Variants in MDGA2 observed in about 807,000 individuals in gnomAD.
MDGA2 encodes MAM domain containing glycosylphosphatidylinositol anchor 2.
A neutral mutation model predicts 117.8 loss-of-function variants in MDGA2; 40 were observed. The ratio of observed to expected loss-of-function variants is 0.34; its 90% confidence interval spans 0.26 to 0.44. The LOEUF is 0.44. MDGA2 is among the 20% of genes least tolerant of loss of function. The pLI is 1.00. For synonymous variants in MDGA2, 452 were observed against 439.0 expected (o/e 1.03, Z -0.37); for missense variants, 1,123 against 1,250.6 (o/e 0.90, Z 1.54).
intron 1 of MDGA2, chr14:47,306,005 G>A (rs1018154621): frequency 2.6e-5 from 4 of 152,124 alleles, no homozygotes; most frequent in African/African-American, 7.2e-5. Context: ...TTTGTAATAT[G>A]CCAGTGTCTA....
chr14:47,155,788 T>C (rs1339771848), intron 3 of MDGA2, among the ~76,000 whole-genome samples: 2 of 151,620 alleles, frequency 1.3e-5, no homozygotes, highest in African/African-American at 4.8e-5. Context: ...AAGGTGCCAC[T>C]GGCCACAGAG....
chr14:47,380,799 C>T (rs543623068), intron 1 of MDGA2, among the ~76,000 whole-genome samples: 4 of 152,072 alleles, frequency 2.6e-5, no homozygotes, highest in African/African-American at 9.6e-5. Flanking sequence ...GGAGCTGGCA[C>T]CATTCCTTCT....
At chr14:47,208,910 G>A (rs918998290) in intron 3 of MDGA2, among the ~76,000 whole-genome samples, 4 of 151,062 alleles carry the variant, frequency 2.6e-5, no homozygotes, top group African/African-American at 9.7e-5. Flanking sequence ...GCACACATTC[G>A]AATAGCCTTC....
intron 9 of MDGA2, among the ~76,000 whole-genome samples, chr14:46,948,597 A>T (rs1885257887): frequency 6.6e-6 from 1 of 152,036 alleles, no homozygotes. Flanking sequence ...GAGGAAGAAC[A>T]GTAGAAACTC....
rs914227650 is a variant in MDGA2 at position 46,895,851 on chromosome 14, G to T, written c.2239-13630C>A. On this transcript the variant is annotated intron_variant, in intron 10 of 16. Transcript: ENST00000399232. ...CTTAATATTTTGATTCTGCAATGCC[G>T]CCTGTCCCTTCCATGTGTCATTGAT... Among the ~76,000 whole-genome samples the T allele has an allele frequency of 2.0e-5, 3 of 151,940 alleles. No individual in the cohort carries two copies. The East Asian group carries it at 5.8e-4, about 29-fold the overall frequency.
chr14:47,550,543 C>T (rs143686948), intron 1 of MDGA2, among the ~76,000 whole-genome samples: 80 of 152,058 alleles, frequency 5.3e-4, no homozygotes, highest in Non-Finnish European at 9.3e-4. Flanking sequence ...TACTGTTGAA[C>T]AACCTATCAG....
chr14:47,365,087 T>C (rs1011162393), intron 1 of MDGA2, among the ~76,000 whole-genome samples: 2 of 152,234 alleles, frequency 1.3e-5, no homozygotes, highest in African/African-American at 4.8e-5. Flanking sequence ...TTCTACACCC[T>C]TCAATGGGAT....
chr14:47,132,335 A>G (rs944176998), intron 4 of MDGA2, among the ~76,000 whole-genome samples: 4 of 151,994 alleles, frequency 2.6e-5, no homozygotes, highest in Non-Finnish European at 5.9e-5. Flanking sequence ...ATCTAATGAT[A>G]GATAATTACA....
At chr14:47,153,326 G>A (rs1482524552) in intron 3 of MDGA2, among the ~76,000 whole-genome samples, 1 of 152,142 alleles carries the variant, frequency 6.6e-6, no homozygotes, top group Non-Finnish European at 1.5e-5. Context: ...ACTGAACTAG[G>A]TGAGTGATTA....
At chr14:47,128,685 A>G (rs976603291) in intron 5 of MDGA2, among the ~76,000 whole-genome samples, 1 of 150,392 alleles carries the variant, frequency 6.6e-6, no homozygotes, top group Non-Finnish European at 1.5e-5. Flanking sequence ...TTTCTGCAAC[A>G]TAATTTCCAT....
At chr14:47,519,464 C>T (rs368746025) in intron 1 of MDGA2, among the ~76,000 whole-genome samples, 79 of 152,212 alleles carry the variant, frequency 5.2e-4, no homozygotes, top group African/African-American at 1.8e-3. Flanking sequence ...AAATACAACT[C>T]ATGTGGTCAA....
intron 1 of MDGA2, among the ~76,000 whole-genome samples, chr14:47,556,856 G>C (rs565522100): frequency 6.6e-6 from 1 of 152,230 alleles, no homozygotes; most frequent in East Asian, 1.9e-4. Context: ...TCTTTATGTG[G>C]TGTTTGATTA....
At chr14:47,049,679 T>C (rs1338946173) in intron 7 of MDGA2, among the ~76,000 whole-genome samples, 1 of 152,036 alleles carries the variant, frequency 6.6e-6, no homozygotes, top group Non-Finnish European at 1.5e-5. Context: ...ATTGAATTCA[T>C]GGATGTAGAA....
chr14:47,329,157 C>A (rs1039673661), intron 1 of MDGA2, among the ~76,000 whole-genome samples: 10 of 151,900 alleles, frequency 6.6e-5, no homozygotes, highest in African/African-American at 2.4e-4. Context: ...GTCTTGAAAT[C>A]CTGGACTCAA....
intron 1 of MDGA2, among the ~76,000 whole-genome samples, chr14:47,592,767 G>A (rs948583359): frequency 2.0e-5 from 3 of 151,874 alleles, no homozygotes; most frequent in Admixed American, 6.6e-5. Context: ...ATGTAAAACC[G>A]AAAGCTATAA....
intron 8 of MDGA2, among the ~76,000 whole-genome samples, chr14:47,020,171 G>A (rs1471647713): frequency 1.3e-5 from 2 of 152,002 alleles, no homozygotes; most frequent in African/African-American, 2.4e-5. Context: ...TATGGGAACC[G>A]CTTTATCTAA....
At chr14:46,936,993 G>C (rs1350255135) in intron 9 of MDGA2, among the ~76,000 whole-genome samples, 2 of 151,922 alleles carry the variant, frequency 1.3e-5, no homozygotes, top group Admixed American at 1.3e-4. Flanking sequence ...TGGAAAAGAG[G>C]TCAAATTGTC....
At chr14:47,019,024 C>T (rs960318742) in intron 8 of MDGA2, among the ~76,000 whole-genome samples, 1 of 152,088 alleles carries the variant, frequency 6.6e-6, no homozygotes, top group Non-Finnish European at 1.5e-5. Context: ...TTAATTCTTA[C>T]TTGAATTTCC....
chr14:47,164,939 C>T (rs578147335), intron 3 of MDGA2, among the ~76,000 whole-genome samples: 1 of 152,122 alleles, frequency 6.6e-6, no homozygotes, highest in East Asian at 1.9e-4. Flanking sequence ...TGATGAGTTC[C>T]TGTCCTTTGT....
Sources: gnomAD v4.1 joint callset for allele counts (sites outside exome capture counted in the v4.1 genomes callset) on GRCh38, gnomAD v4.1.1 for gene constraint, MANE v1.5 for transcripts, NCBI Gene and HGNC (gene_info 2026-07-23, HGNC 2026-07-21) for gene names.